Variants in BCL2L14 observed in about 807,000 individuals in gnomAD.
BCL2L14 encodes the protein apoptosis facilitator Bcl-2-like protein 14.
BCL2L14 carries 27 observed loss-of-function variants against 35.3 expected under a neutral mutation model. The observed-to-expected ratio is 0.76, with a 90% CI of 0.56 to 1.05. The LOEUF (loss-of-function observed/expected upper bound fraction) is 1.05. Among genes scored for constraint, BCL2L14 ranks in the 50% least tolerant of loss-of-function variants. The probability of loss-of-function intolerance (pLI) is 0.00; values close to 1 mark genes in which losing one functional copy is unlikely to be tolerated. For synonymous variants in BCL2L14, 139 were observed against 145.9 expected (o/e 0.95, Z 0.34); for missense variants, 377 against 382.6 (o/e 0.99, Z 0.12).
upstream of BCL2L14, among the ~76,000 whole-genome samples, chr12:12,067,106 C>T (rs1948603378): frequency 6.6e-6 from 1 of 151,856 alleles, no homozygotes. Context: ...GCTCTGTCAC[C>T]CAGGCTGGAG....
In BCL2L14 at chr12:12,094,808, G is replaced by GT; in HGVS notation, c.824dup (p.Ile276AsnfsTer11). 7.4e-6 allele frequency: 12 copies of GT among 1,614,214 alleles called. No individual in the cohort carries two copies. The highest frequency in any genetic ancestry group is 1.0e-5 in the Non-Finnish European group (12 of 1,180,042). Reference sequence around the variant, plus strand: ...AGCTCAGGGCTTTAAGGCTGCCCTTGTAATAGACGTCACGGCCAAGCTCAC... The same window carrying GT: ...AGCTCAGGGCTTTAAGGCTGCCCTTGTTAATAGACGTCACGGCCAAGCTCAC... On this transcript the variant is annotated frameshift_variant, in exon 5 of 6. Coordinates refer to ENST00000308721, the MANE Select transcript of BCL2L14 (RefSeq NM_138723.2). LOFTEE classifies it high-confidence loss of function.
At position 12,094,903 on chromosome 12, in the gene BCL2L14, G is replaced by A. The variant is rs1453456723; in HGVS notation, c.918G>A (p.Ser306=). Reference sequence around the variant, plus strand: ...CCAAGTACCTGAAAGAGAACTTCTCGCCATGGATCCAGCAGCACGGTGGAT... The same window carrying A: ...CCAAGTACCTGAAAGAGAACTTCTCACCATGGATCCAGCAGCACGGTGGAT... ...FGTKYLKENF[S]PWIQQHGGWE... Residue 306 remains serine (S), a synonymous_variant, in exon 5 of 6, where the codon TCG becomes TCA. Transcript: ENST00000308721. 5.6e-6 allele frequency: 9 copies of A among 1,613,818 alleles called. No homozygotes were observed. Among genetic ancestry groups the A allele is most frequent in the South Asian group, 2.2e-5 (2 of 91,088 alleles).
intron 2 of BCL2L14, among the ~76,000 whole-genome samples, chr12:12,083,034 G>A (rs1240360379): frequency 2.6e-5 from 4 of 151,998 alleles, no homozygotes; most frequent in Non-Finnish European, 2.9e-5. Context: ...GCCTGATCTC[G>A]GCTCACTGCA....
chr12:12,070,676 C>T (rs79506022), upstream of BCL2L14, among the ~76,000 whole-genome samples: 1 of 129,706 alleles, frequency 7.7e-6, no homozygotes, highest in Non-Finnish European at 1.7e-5. Context: ...AACTCTGTCT[C>T]AAAAAAAAAA....
At chr12:12,077,476 T>C (rs545249048) in intron 1 of BCL2L14, among the ~76,000 whole-genome samples, 2 of 149,968 alleles carry the variant, frequency 1.3e-5, no homozygotes, top group East Asian at 2.0e-4. Flanking sequence ...GCCGGGGAGG[T>C]TGAGGCTGTG....
chr12:12,093,488 TTTC>T (rs1231465870), intron 4 of BCL2L14, among the ~76,000 whole-genome samples: 1 of 151,714 alleles, frequency 6.6e-6, no homozygotes, highest in African/African-American at 2.4e-5. Context: ...ATAATAAAAG[TTTC>T]TTAAGAAAAT....
intron 2 of BCL2L14, among the ~76,000 whole-genome samples, chr12:12,085,071 G>A (rs1235246755): frequency 2.3e-5 from 3 of 131,162 alleles, no homozygotes; most frequent in Non-Finnish European, 3.2e-5. Context: ...GCAACAGAGC[G>A]AGACTCCGTC....
At chr12:12,067,361 G>A (rs1948606341), upstream of BCL2L14, among the ~76,000 whole-genome samples, 1 of 152,080 alleles carries the variant, frequency 6.6e-6, no homozygotes, top group Non-Finnish European at 1.5e-5. Context: ...GACCAGTCTG[G>A]CCAACATAGT....
chr12:12,075,338 C>T (rs979195265), intron 1 of BCL2L14, among the ~76,000 whole-genome samples: 1 of 151,946 alleles, frequency 6.6e-6, no homozygotes, highest in Admixed American at 6.6e-5. Context: ...GGCCAGGCTG[C>T]TCTTGAACTC....
At chr12:12,074,480 C>T (rs1165070593) in intron 1 of BCL2L14, among the ~76,000 whole-genome samples, 1 of 151,938 alleles carries the variant, frequency 6.6e-6, no homozygotes, top group Non-Finnish European at 1.5e-5. Flanking sequence ...GAGTCTGACT[C>T]TATTACTCAG....
At chr12:12,094,618 C>T (rs752680306) in intron 4 of BCL2L14, 46 bp from the exon 5 acceptor site, 6 of 1,614,182 alleles carry the variant, frequency 3.7e-6, no homozygotes, top group Admixed American at 3.3e-5. Flanking sequence ...CTGTCTGCCT[C>T]GTGGAGCCAA....
At chr12:12,085,280 T>C (rs10845473) in intron 2 of BCL2L14, among the ~76,000 whole-genome samples, 41,749 of 151,920 alleles carry the variant, frequency 0.27, 5,916 homozygotes, top group Middle Eastern at 0.42. Flanking sequence ...GCATGCTGAT[T>C]ACCCTAGATG....
In BCL2L14 at chr12:12,098,990, A is replaced by AT. The variant is rs1157326522; in HGVS notation, c.*3dup. On this transcript the variant is annotated 3_prime_UTR_variant, in exon 6 of 6. Coordinates refer to ENST00000308721, the MANE Select transcript of BCL2L14 (RefSeq NM_138723.2). ...ATATCACATGAAGAAGTAGACTGAA[A>AT]TATCAGATTTGTCATCAGGAATACT... 1.3e-6 allele frequency: 2 copies of AT among 1,599,200 alleles called. No homozygotes were observed. Among genetic ancestry groups the AT allele is most frequent in the African/African-American group, 2.7e-5 (2 of 74,630 alleles).
chr12:12,075,218 G>C (rs1221438885), intron 1 of BCL2L14, among the ~76,000 whole-genome samples: 1 of 151,850 alleles, frequency 6.6e-6, no homozygotes, highest in Non-Finnish European at 1.5e-5. Context: ...TGCCTCCCAG[G>C]TTCAAGTGAT....
chr12:12,090,538 C>T (rs1949160620), intron 3 of BCL2L14, among the ~76,000 whole-genome samples: 1 of 151,852 alleles, frequency 6.6e-6, no homozygotes, highest in South Asian at 2.1e-4. Flanking sequence ...GAGACTGAGG[C>T]ATGAGAATCT....
intron 2 of BCL2L14, among the ~76,000 whole-genome samples, chr12:12,061,922 C>T (rs1374702458): frequency 6.6e-6 from 1 of 152,250 alleles, no homozygotes; most frequent in Non-Finnish European, 1.5e-5. Context: ...CCTTCCTAGG[C>T]ATGGTTAGTG....
intron 1 of BCL2L14, chr12:12,072,292 G>C (rs1055897885): frequency 6.6e-6 from 1 of 152,252 alleles, no homozygotes; most frequent in Non-Finnish European, 1.5e-5. Context: ...AGAACCGTGC[G>C]ACAGTGCGTC....
intron 2 of BCL2L14, among the ~76,000 whole-genome samples, chr12:12,083,087 C>T (rs1310639474): frequency 6.6e-6 from 1 of 152,160 alleles, no homozygotes; most frequent in East Asian, 1.9e-4. Flanking sequence ...GCCTCAGCCT[C>T]CCGAGTAGCT....
chr12:12,073,598 A>ATG (rs1565457753), intron 1 of BCL2L14, among the ~76,000 whole-genome samples: 1 of 149,604 alleles, frequency 6.7e-6, no homozygotes, highest in Non-Finnish European at 1.5e-5. Flanking sequence ...ACATGCATGC[A>ATG]CGCGCACACA....
Sources: allele counts gnomAD v4.1 joint callset (sites outside exome capture counted in the v4.1 genomes callset), GRCh38; gene constraint gnomAD v4.1.1; transcripts MANE v1.5; gene names NCBI Gene and HGNC (gene_info 2026-07-23, HGNC 2026-07-21).